The following STARD13 variants were observed in gnomAD, a reference collection of about 807,000 sequenced individuals.
The protein encoded by STARD13 is StAR related lipid transfer domain containing 13.
STARD13 carries 62 observed loss-of-function variants against 106.4 expected under a neutral mutation model. That is an observed-to-expected ratio of 0.58 (90% CI 0.48 to 0.72). The LOEUF is 0.72. STARD13 is among the 30% of genes least tolerant of loss of function. The probability of loss-of-function intolerance (pLI) is 0.00; values close to 1 mark genes in which losing one functional copy is unlikely to be tolerated. For missense variants in STARD13, 1,387 were observed against 1,424.0 expected (o/e 0.97, Z 0.42); for synonymous variants, 565 against 553.0 (o/e 1.02, Z -0.31).
the STARD13 span, among the ~76,000 whole-genome samples, chr13:33,492,047 G>T: frequency 5.9e-5 from 9 of 152,178 alleles, no homozygotes; most frequent in African/African-American, 2.2e-4. Context: ...TCTTTGGCGG[G>T]CAGGGGTGGG....
At chr13:33,542,425 G>A in the STARD13 span, among the ~76,000 whole-genome samples, 1 of 152,348 alleles carries the variant, frequency 6.6e-6, no homozygotes, top group East Asian at 1.9e-4. Context: ...AAACCCCGTG[G>A]GCGGGATTTA....
the STARD13 span, among the ~76,000 whole-genome samples, chr13:33,465,898 A>G: frequency 6.6e-6 from 1 of 152,182 alleles, no homozygotes; most frequent in Non-Finnish European, 1.5e-5. Context: ...CATTATCAAA[A>G]AAGTGAAAAT....
chr13:33,127,441 G>C lies in STARD13; in HGVS notation c.1854C>G (p.Arg618=). Residue 618 remains arginine, a synonymous_variant, in exon 6 of 14, where the codon CGC becomes CGG. Coordinates refer to ENST00000336934, the MANE Select transcript of STARD13 (RefSeq NM_178006.4). ...QTASQLSLLQ[R]FSLLRLTAIM... ...TGGCCGTGAGGCGGAGCAGTGAGAA[G>C]CGCTGGAGCAGGCTCAGCTGGCTGG... 1 of 1,604,446 alleles carries C rather than the reference G, an allele frequency of 6.2e-7. No homozygotes were observed. Among genetic ancestry groups the C allele is most frequent in the Non-Finnish European group, 8.5e-7 (1 of 1,178,832 alleles).
chr13:33,182,459 TC>T (rs1277941743), intron 1 of STARD13, among the ~76,000 whole-genome samples: 1 of 152,150 alleles, frequency 6.6e-6, no homozygotes, highest in African/African-American at 2.4e-5. Context: ...CCTACCCTCC[TC>T]CCCACCTCTG....
At chr13:33,159,079 C>G (rs1882323637) in intron 3 of STARD13, among the ~76,000 whole-genome samples, 2 of 152,166 alleles carry the variant, frequency 1.3e-5, no homozygotes, top group African/African-American at 4.8e-5. Context: ...CCACTCTAAC[C>G]ATTTTTATAC....
chr13:33,432,215 C>T, the STARD13 span, among the ~76,000 whole-genome samples: 3 of 152,136 alleles, frequency 2.0e-5, no homozygotes, highest in East Asian at 5.8e-4. Flanking sequence ...CAGTCACTCG[C>T]GAGCTTTTCT....
intron 1 of STARD13, among the ~76,000 whole-genome samples, chr13:33,255,007 A>C (rs958084084): frequency 6.6e-6 from 1 of 152,160 alleles, no homozygotes; most frequent in Non-Finnish European, 1.5e-5. Flanking sequence ...ACTGAGCTGG[A>C]TAACACTCAC....
At chr13:33,609,275 G>A in the STARD13 span, among the ~76,000 whole-genome samples, 2 of 151,860 alleles carry the variant, frequency 1.3e-5, no homozygotes, top group Non-Finnish European at 2.9e-5. Flanking sequence ...TAGAAATGTC[G>A]CAAAGTATGT....
the STARD13 span, among the ~76,000 whole-genome samples, chr13:33,638,802 G>A: frequency 6.6e-6 from 1 of 152,058 alleles, no homozygotes; most frequent in East Asian, 1.9e-4. Flanking sequence ...CTGAGGGTAG[G>A]GCCCATCAGT....
upstream of STARD13, among the ~76,000 whole-genome samples, chr13:33,352,961 C>A (rs368417765): frequency 3.8e-4 from 58 of 152,340 alleles, 1 homozygote; most frequent in East Asian, 1.4e-3. Context: ...CCCCCTAGCC[C>A]TACCTACCTT....
chr13:33,282,373 G>T (rs946132670), intron 1 of STARD13, among the ~76,000 whole-genome samples: 3 of 152,002 alleles, frequency 2.0e-5, no homozygotes, highest in Admixed American at 2.0e-4. Flanking sequence ...ATTCATCCTG[G>T]GTTTGGATAA....
intron 1 of STARD13, among the ~76,000 whole-genome samples, chr13:33,193,793 G>C (rs1566064915): frequency 6.6e-6 from 1 of 152,200 alleles, no homozygotes; most frequent in South Asian, 2.1e-4. Context: ...AGAAACTGTA[G>C]AGATCAGTAA....
chr13:33,589,527 T>A, the STARD13 span, among the ~76,000 whole-genome samples: 1 of 152,254 alleles, frequency 6.6e-6, no homozygotes, highest in Non-Finnish European at 1.5e-5. Flanking sequence ...TCGAAGAACA[T>A]CTTTATTTCT....
chr13:33,361,306 C>T, the STARD13 span, among the ~76,000 whole-genome samples: 1 of 132,542 alleles, frequency 7.5e-6, no homozygotes, highest in South Asian at 3.1e-4. Context: ...TATATCTTCT[C>T]TAACTTACTT....
chr13:33,563,531 A>C, the STARD13 span, among the ~76,000 whole-genome samples: 10 of 147,486 alleles, frequency 6.8e-5, 1 homozygote, highest in Non-Finnish European at 1.3e-4. Context: ...CCATACACAA[A>C]ATAATGAAAC....
chr13:33,119,641 T>C (rs1275420268), intron 7 of STARD13, among the ~76,000 whole-genome samples: 1 of 152,236 alleles, frequency 6.6e-6, no homozygotes, highest in Non-Finnish European at 1.5e-5. Context: ...GGGGAAATTA[T>C]ACACTGCTAC....
the STARD13 span, among the ~76,000 whole-genome samples, chr13:33,676,098 A>T: frequency 6.6e-6 from 1 of 152,110 alleles, no homozygotes; most frequent in Non-Finnish European, 1.5e-5. Flanking sequence ...TTCCAATTTA[A>T]TTTGCCGCAA....
At chr13:33,345,340 T>C (rs1201834262), downstream of STARD13, among the ~76,000 whole-genome samples, 4 of 152,202 alleles carry the variant, frequency 2.6e-5, no homozygotes, top group Non-Finnish European at 5.9e-5. Flanking sequence ...TTCCAGTTCT[T>C]TTTGTTGTTC....
the STARD13 span, among the ~76,000 whole-genome samples, chr13:33,622,917 TA>T: frequency 0.017 from 2,099 of 121,710 alleles, 35 homozygotes; most frequent in African/African-American, 0.053. Flanking sequence ...AAACTCTGTC[TA>T]AAAAAAAAAA....
Sources: gnomAD v4.1 joint callset for allele counts (sites outside exome capture counted in the v4.1 genomes callset) on GRCh38, gnomAD v4.1.1 for gene constraint, MANE v1.5 for transcripts, NCBI Gene and HGNC (gene_info 2026-07-23, HGNC 2026-07-21) for gene names.